The following ALCAM variants were observed in gnomAD, a reference collection of about 807,000 sequenced individuals.
ALCAM encodes CD166 antigen.
ALCAM carries 30 observed loss-of-function variants against 70.9 expected under a neutral mutation model. The observed-to-expected ratio is 0.42, with a 90% CI of 0.32 to 0.57. ALCAM has a LOEUF of 0.57. ALCAM is among the 20% of genes least tolerant of loss of function. ALCAM has a pLI of 0.11. For synonymous variants in ALCAM, 249 were observed against 242.5 expected (o/e 1.03, Z -0.25); for missense variants, 591 against 695.1 (o/e 0.85, Z 1.68).
intron 1 of ALCAM, among the ~76,000 whole-genome samples, chr3:105,420,337 C>T (rs894574579): frequency 1.8e-4 from 28 of 151,542 alleles, no homozygotes; most frequent in African/African-American, 6.0e-4. Context: ...CTTATGTAGG[C>T]ACTGAACACA....
intron 1 of ALCAM, among the ~76,000 whole-genome samples, chr3:105,381,420 C>T (rs1193947750): frequency 6.6e-6 from 1 of 151,880 alleles, no homozygotes; most frequent in East Asian, 1.9e-4. Flanking sequence ...TTTTATGGGG[C>T]GTAACCTTGA....
intron 1 of ALCAM, among the ~76,000 whole-genome samples, chr3:105,469,458 A>T (rs547624569): frequency 6.6e-6 from 1 of 151,238 alleles, no homozygotes; most frequent in East Asian, 1.9e-4. Context: ...CACCATGAAC[A>T]TTATTTATAT....
chr3:105,555,998 AC>A (rs1447982080), intron 14 of ALCAM, among the ~76,000 whole-genome samples: 2 of 151,948 alleles, frequency 1.3e-5, no homozygotes, highest in African/African-American at 2.4e-5. Flanking sequence ...TAATTAGTCC[AC>A]CCTATATCTA....
chr3:105,468,233 G>A (rs377069856), intron 1 of ALCAM, among the ~76,000 whole-genome samples: 116 of 151,290 alleles, frequency 7.7e-4, no homozygotes, highest in East Asian at 4.7e-3. Context: ...GCACTACTAC[G>A]AACCAAGATA....
intron 1 of ALCAM, among the ~76,000 whole-genome samples, chr3:105,514,052 T>C (rs1328489144): frequency 6.6e-6 from 1 of 152,054 alleles, no homozygotes; most frequent in East Asian, 1.9e-4. Flanking sequence ...TCAAATGAAA[T>C]TTCCTCCAAG....
At chr3:105,469,647 A>G (rs1187582869) in intron 1 of ALCAM, among the ~76,000 whole-genome samples, 1 of 151,208 alleles carries the variant, frequency 6.6e-6, no homozygotes, top group African/African-American at 2.4e-5. Context: ...ATATATACAT[A>G]TTTATTCCAC....
chr3:105,513,724 T>G (rs1047622239), intron 1 of ALCAM, among the ~76,000 whole-genome samples: 29 of 152,108 alleles, frequency 1.9e-4, no homozygotes, highest in African/African-American at 6.0e-4. Context: ...AATAAGATTT[T>G]TGCTTATAAT....
intron 1 of ALCAM, among the ~76,000 whole-genome samples, chr3:105,510,177 G>T (rs143929495): frequency 6.6e-6 from 1 of 152,012 alleles, no homozygotes; most frequent in Non-Finnish European, 1.5e-5. Context: ...TAAGCATACC[G>T]CAGAGTAAAG....
Position 105,539,930 on chromosome 3 carries a change from C to T in ALCAM, c.731-45C>T, listed in dbSNP as rs180824660. The T allele has an allele frequency of 4.2e-5, 68 of 1,602,338 alleles. 1 individual carries two copies. The highest frequency in any genetic ancestry group is 1.6e-4 in the East Asian group (7 of 44,620). ...TTTACATTGTATGCACAGAGTAATTCGGTACTTGACAAAAATGGTTAACTT... is the reference window on the plus strand; with the variant it reads ...TTTACATTGTATGCACAGAGTAATTTGGTACTTGACAAAAATGGTTAACTT... On this transcript the variant is annotated intron_variant, in intron 6 of 15. Coordinates refer to ENST00000306107, the MANE Select transcript of ALCAM (RefSeq NM_001627.4).
chr3:105,546,881 A>G (rs1346145130), intron 9 of ALCAM, among the ~76,000 whole-genome samples: 1 of 151,308 alleles, frequency 6.6e-6, no homozygotes, highest in Non-Finnish European at 1.5e-5. Flanking sequence ...TAAATGATAC[A>G]TTTCCTTTGT....
At chr3:105,377,490 A>G (rs1023884748) in intron 1 of ALCAM, among the ~76,000 whole-genome samples, 3 of 152,106 alleles carry the variant, frequency 2.0e-5, no homozygotes, top group Non-Finnish European at 2.9e-5. Context: ...AACTCTCTTC[A>G]TAAATCTGTA....
At chr3:105,424,414 A>T (rs1406152176) in intron 1 of ALCAM, among the ~76,000 whole-genome samples, 7 of 151,714 alleles carry the variant, frequency 4.6e-5, no homozygotes, top group African/African-American at 1.7e-4. Context: ...TCTTTCCATT[A>T]CATTGATGAC....
At chr3:105,545,517 G>A (rs541276924) in intron 9 of ALCAM, among the ~76,000 whole-genome samples, 182 bp downstream of exon 9, 5 of 151,160 alleles carry the variant, frequency 3.3e-5, no homozygotes, top group African/African-American at 7.3e-5. Context: ...TGCTCAACAC[G>A]GTGACATCCA....
At chr3:105,533,242 A>G (rs1347244969) in intron 4 of ALCAM, among the ~76,000 whole-genome samples, 1 of 152,160 alleles carries the variant, frequency 6.6e-6, no homozygotes, top group African/African-American at 2.4e-5. Flanking sequence ...CCGTATGAAG[A>G]TCTATGATTC....
intron 14 of ALCAM, chr3:105,553,213 A>G (rs1940451041): frequency 3.4e-5 from 23 of 678,092 alleles, no homozygotes; most frequent in Non-Finnish European, 4.0e-5. Flanking sequence ...TGAACCTTAC[A>G]AATTATCTAA....
rs369105011 is a variant in ALCAM, at chr3:105,541,659, A to G, written c.885A>G (p.Ser295=). The change falls in exon 8 of 16, where the codon TCA becomes TCG. Residue 295 remains serine, a synonymous_variant. Transcript: ENST00000306107. ...LPGQPEGIRS[S]NTYTLTDVRR... is the part of the protein sequence containing the mutation. ...GACAGCCCGAAGGAATAAGAAGCTCAAATACTTACACACTGACGGATGTGA... is the reference window on the plus strand; with the variant it reads ...GACAGCCCGAAGGAATAAGAAGCTCGAATACTTACACACTGACGGATGTGA... 1 of 1,612,032 alleles carries G rather than the reference A, an allele frequency of 6.2e-7. No individual in the cohort carries two copies. The highest frequency in any genetic ancestry group is 8.5e-7 in the Non-Finnish European group (1 of 1,178,708).
At chr3:105,564,255 A>C (rs1012097366) in intron 14 of ALCAM, among the ~76,000 whole-genome samples, 1 of 152,236 alleles carries the variant, frequency 6.6e-6, no homozygotes, top group Non-Finnish European at 1.5e-5. Flanking sequence ...CTTCACATGT[A>C]ATGTAAGAAG....
At chr3:105,488,839 G>A (rs548831958) in intron 1 of ALCAM, among the ~76,000 whole-genome samples, 3 of 152,100 alleles carry the variant, frequency 2.0e-5, no homozygotes, top group African/African-American at 4.8e-5. Context: ...TAAACGGGTC[G>A]ATTCACCTTG....
chr3:105,408,181 C>G (rs1936296596), intron 1 of ALCAM, among the ~76,000 whole-genome samples: 1 of 145,468 alleles, frequency 6.9e-6, no homozygotes, highest in African/African-American at 2.6e-5. Flanking sequence ...AAAATACCAC[C>G]ATTATTCTTC....
Sources: allele counts gnomAD v4.1 joint callset (sites outside exome capture counted in the v4.1 genomes callset), GRCh38; gene constraint gnomAD v4.1.1; transcripts MANE v1.5; gene names NCBI Gene and HGNC (gene_info 2026-07-23, HGNC 2026-07-21).